KLHL6: variants seen among roughly 807,000 people sequenced by gnomAD.
The protein encoded by KLHL6 is kelch-like protein 6.
In KLHL6, 41 loss-of-function variants were observed where a neutral mutation model predicts 58.6. The ratio of observed to expected loss-of-function variants is 0.70; its 90% confidence interval spans 0.55 to 0.91. KLHL6 has a LOEUF of 0.91. KLHL6 is among the 40% of genes least tolerant of loss of function. The pLI, the probability that KLHL6 is intolerant of heterozygous loss-of-function variation, is 0.00. For synonymous variants in KLHL6, 338 were observed against 322.7 expected, an observed-to-expected ratio of 1.05 and a Z score of -0.51; for missense variants, 714 against 805.6, an observed-to-expected ratio of 0.89 and a Z score of 1.38.
At chr3:183,554,449 A>G (rs180833381) in intron 1 of KLHL6, among the ~76,000 whole-genome samples, 2 of 152,340 alleles carry the variant, frequency 1.3e-5, no homozygotes. Flanking sequence ...AGACATTCAG[A>G]GCACTTTGTG....
At chr3:183,521,823 A>T (rs1711771561) in intron 2 of KLHL6, 1 of 148,602 alleles carries the variant, frequency 6.7e-6, no homozygotes, top group Non-Finnish European at 1.5e-5. Context: ...CCTCCCAAGT[A>T]GCCGGAAGTA....
chr3:183,545,757 G>A (rs1029932642), intron 1 of KLHL6, among the ~76,000 whole-genome samples: 2 of 152,204 alleles, frequency 1.3e-5, no homozygotes, highest in East Asian at 1.9e-4. Flanking sequence ...TATGCAGGTG[G>A]TCACATGAGC....
intron 5 of KLHL6, 153 bp downstream of exon 5, chr3:183,493,926 T>C (rs1717639583): frequency 4.2e-6 from 3 of 707,486 alleles, no homozygotes; most frequent in South Asian, 3.4e-5. Context: ...CAATAGCTCC[T>C]AGGAGGAGGG....
intron 1 of KLHL6, among the ~76,000 whole-genome samples, chr3:183,541,269 G>A (rs994299192): frequency 6.6e-6 from 1 of 152,336 alleles, no homozygotes; most frequent in Admixed American, 6.5e-5. Flanking sequence ...AATCTGGACT[G>A]CCAGGCCTGT....
intron 1 of KLHL6, among the ~76,000 whole-genome samples, chr3:183,541,241 C>T (rs1348651914): frequency 2.0e-5 from 3 of 152,236 alleles, no homozygotes; most frequent in African/African-American, 7.2e-5. Context: ...CTGCTCCCTC[C>T]GCCAGCTGCC....
chr3:183,548,027 C>G (rs1712785362), intron 1 of KLHL6, among the ~76,000 whole-genome samples: 1 of 152,210 alleles, frequency 6.6e-6, no homozygotes, highest in South Asian at 2.1e-4. Context: ...TTGGAACATT[C>G]ATTCCAGTTT....
chr3:183,549,962 GA>G (rs199947212), intron 1 of KLHL6, among the ~76,000 whole-genome samples: 1,533 of 151,960 alleles, frequency 0.01, 26 homozygotes, highest in African/African-American at 0.036. Flanking sequence ...AAAACAAAGA[GA>G]AAAATACAGT....
intron 1 of KLHL6, among the ~76,000 whole-genome samples, chr3:183,534,132 G>GAAAGTACTT (rs1560107062): frequency 1.2e-4 from 2 of 16,062 alleles, no homozygotes; most frequent in Admixed American, 1.3e-3. Flanking sequence ...AAAGTACTTT[G>GAAAGTACTT]TACTTTTAAA....
At chr3:183,537,599 C>G (rs1712407779) in intron 1 of KLHL6, among the ~76,000 whole-genome samples, 1 of 152,092 alleles carries the variant, frequency 6.6e-6, no homozygotes, top group Non-Finnish European at 1.5e-5. Flanking sequence ...GAGCCTGACC[C>G]AGCAAGCTTG....
At chr3:183,525,265 A>ACAC (rs1553811014) in intron 2 of KLHL6, among the ~76,000 whole-genome samples, 21 of 52,664 alleles carry the variant, frequency 4.0e-4, no homozygotes, top group African/African-American at 1.1e-3. Flanking sequence ...CTCTCTAAAA[A>ACAC]AAAAACACAC....
intron 2 of KLHL6, among the ~76,000 whole-genome samples, chr3:183,519,723 A>AAAT (rs60323917): frequency 0.031 from 4,699 of 150,596 alleles, 217 homozygotes; most frequent in African/African-American, 0.11. Flanking sequence ...TTTGTCTCTA[A>AAAT]AATAATAATA....
chr3:183,550,365 C>T (rs1319028735), intron 1 of KLHL6, among the ~76,000 whole-genome samples: 1 of 152,148 alleles, frequency 6.6e-6, no homozygotes, highest in East Asian at 1.9e-4. Flanking sequence ...AAGGATGTGA[C>T]TCTCCAGATT....
At position 183,508,326 on chromosome 3, in the gene KLHL6, G is replaced by A. The variant is rs73188786; in HGVS notation, c.642C>T (p.Pro214=). Residue 214 remains proline, a synonymous_variant, in exon 3 of 7, where the codon CCC becomes CCT. Transcript: ENST00000341319. ...ILNSEEFLDL[P]VDTLHHILKS... is the part of the protein sequence containing the mutation. ...TCAAGATGTGGTGCAGAGTGTCCAC[G>A]GGCAGGTCAAGAAACTCCTCAGAGT... The A allele has an allele frequency of 2.3e-4, 377 of 1,614,102 alleles. 3 individuals carry two copies. The South Asian group carries it at 3.7e-3, about 16-fold the overall frequency.
intron 1 of KLHL6, among the ~76,000 whole-genome samples, chr3:183,548,452 T>C (rs1359548871): frequency 6.6e-6 from 1 of 152,204 alleles, no homozygotes; most frequent in Non-Finnish European, 1.5e-5. Context: ...CCTTTGTTGA[T>C]GCTGCTGCCT....
At chr3:183,533,496 C>G (rs1461482995) in intron 1 of KLHL6, among the ~76,000 whole-genome samples, 7 of 151,404 alleles carry the variant, frequency 4.6e-5, no homozygotes, top group South Asian at 2.1e-4. Context: ...GTGGTGAACT[C>G]TGGGGCTCAA....
chr3:183,521,476 G>A (rs952510402), intron 2 of KLHL6: 2 of 152,196 alleles, frequency 1.3e-5, no homozygotes, highest in African/African-American at 4.8e-5. Flanking sequence ...CACCCTCCCC[G>A]GAGGCCCTAG....
chr3:183,555,369 G>T lies in KLHL6; in HGVS notation c.285C>A (p.Asn95Lys). ...GTCCTAGGCATGCTGACCTGAAATA[G>T]TTGCTGGCTGCGGCAAGCACCACGC... ...CHRVVLAAAS[N>K]YFRAMFCNDL... The change falls in exon 1 of 7, where the codon AAC (asparagine) becomes AAA (lysine). Residue 95 changes from asparagine to lysine, a missense_variant. Physicochemically the swap from Asn to Lys is moderately conservative, Grantham distance 94. Transcript: ENST00000341319. 1 of 1,613,900 alleles carries T rather than the reference G, an allele frequency of 6.2e-7. No individual in the cohort carries two copies.
Position 183,508,115 on chromosome 3 carries a change from G to A in KLHL6, c.853C>T (p.Pro285Ser), listed in dbSNP as rs375332721. The A allele has an allele frequency of 6.2e-7, 1 of 1,614,040 alleles. No homozygotes were observed. Among genetic ancestry groups the A allele is most frequent in the Non-Finnish European group, 8.5e-7 (1 of 1,180,054 alleles). The change falls in exon 3 of 7, where the codon CCA becomes TCA. Residue 285 changes from proline (P) to serine (S), a missense_variant. Around this residue, in one of 2 missense-constraint regions of KLHL6, gnomAD observed 510 missense variants for 629.7 expected, o/e 0.81. Transcript: ENST00000341319. ...TCCTGGAGCAGCGGGAAGACCTCTG[G>A]GCACTGCCTGATGAGAGGATCTGCT... ...VEADPLIRQC[P>S]EVFPLLQEAR... is the part of the protein sequence containing the mutation.
intron 2 of KLHL6, among the ~76,000 whole-genome samples, chr3:183,509,289 A>T (rs1377569050): frequency 6.6e-6 from 1 of 152,254 alleles, no homozygotes; most frequent in Non-Finnish European, 1.5e-5. Context: ...TTTAGGTGCC[A>T]TAATGGTTTC....
Sources: allele counts gnomAD v4.1 joint callset (sites outside exome capture counted in the v4.1 genomes callset), GRCh38; gene constraint gnomAD v4.1.1; regional missense constraint gnomAD v4.1.1; transcripts MANE v1.5; gene names NCBI Gene and HGNC (gene_info 2026-07-23, HGNC 2026-07-21).